PALM2AKAP2: variants seen among roughly 807,000 people sequenced by gnomAD.
PALM2AKAP2 encodes the protein PALM2 and AKAP2 fusion.
In PALM2AKAP2, 37 loss-of-function variants were observed where a neutral mutation model predicts 71.5. The ratio of observed to expected loss-of-function variants is 0.52; its 90% confidence interval spans 0.40 to 0.68. The LOEUF (loss-of-function observed/expected upper bound fraction) is 0.68, where lower values mean the gene tolerates loss of function less well. PALM2AKAP2 is among the 30% of genes least tolerant of loss of function. PALM2AKAP2 has a pLI of 0.00. For synonymous variants in PALM2AKAP2, 468 were observed against 478.8 expected, an observed-to-expected ratio of 0.98 and a Z score of 0.29; for missense variants, 1,224 against 1,191.8, an observed-to-expected ratio of 1.03 and a Z score of -0.40.
chr9:110,007,540 C>T (rs910329527), intron 6 of PALM2AKAP2, among the ~76,000 whole-genome samples: 1 of 152,172 alleles, frequency 6.6e-6, no homozygotes, highest in Non-Finnish European at 1.5e-5. Context: ...TAAGCTGGAA[C>T]TTTTGGGTTT....
chr9:109,656,242 G>A (rs1827305371), intron 1 of PALM2AKAP2, among the ~76,000 whole-genome samples: 2 of 152,328 alleles, frequency 1.3e-5, no homozygotes, highest in South Asian at 2.1e-4. Context: ...CATGGTGGTG[G>A]AAGGGGCTCG....
intron 1 of PALM2AKAP2, among the ~76,000 whole-genome samples, chr9:109,845,881 T>A (rs1406101381): frequency 6.6e-6 from 1 of 152,152 alleles, no homozygotes; most frequent in Admixed American, 6.5e-5. Flanking sequence ...GTGTCTACCA[T>A]GCACCAGATG....
chr9:109,818,506 G>A (rs1000855043), intron 1 of PALM2AKAP2, among the ~76,000 whole-genome samples: 1 of 152,006 alleles, frequency 6.6e-6, no homozygotes, highest in Admixed American at 6.6e-5. Flanking sequence ...GCTAAACATT[G>A]GTTTTATGAT....
intron 6 of PALM2AKAP2, among the ~76,000 whole-genome samples, chr9:110,013,225 C>G (rs1336525118): frequency 1.3e-5 from 2 of 152,220 alleles, no homozygotes; most frequent in African/African-American, 4.8e-5. Context: ...CAAACCTTTG[C>G]TTGCATTATG....
intron 6 of PALM2AKAP2, among the ~76,000 whole-genome samples, chr9:109,975,192 C>A (rs1027037324): frequency 6.6e-6 from 1 of 152,098 alleles, no homozygotes; most frequent in Admixed American, 6.5e-5. Flanking sequence ...GGTTGAGAAG[C>A]CCCACGATCT....
At chr9:109,899,228 C>T (rs1200737774) in intron 3 of PALM2AKAP2, among the ~76,000 whole-genome samples, 15 of 152,070 alleles carry the variant, frequency 9.9e-5, no homozygotes, top group Non-Finnish European at 7.3e-5. Flanking sequence ...TTCATTGATT[C>T]TTAATCTCAT....
chr9:109,929,960 G>T (rs1308974222), intron 5 of PALM2AKAP2, among the ~76,000 whole-genome samples: 5 of 150,570 alleles, frequency 3.3e-5, no homozygotes, highest in African/African-American at 1.2e-4. Flanking sequence ...TTCACTCACA[G>T]CCCCTGACTC....
At chr9:109,820,148 T>A (rs1827959315) in intron 1 of PALM2AKAP2, among the ~76,000 whole-genome samples, 1 of 152,192 alleles carries the variant, frequency 6.6e-6, no homozygotes, top group African/African-American at 2.4e-5. Flanking sequence ...CAAAATTGGA[T>A]TCATATATTA....
chr9:109,962,764 T>G (rs1337938151), intron 6 of PALM2AKAP2, among the ~76,000 whole-genome samples: 2 of 152,004 alleles, frequency 1.3e-5, no homozygotes, highest in Non-Finnish European at 2.9e-5. Context: ...TGCCTCAGCC[T>G]CCTGAGTAGT....
At chr9:109,983,532 C>T (rs554211089) in intron 6 of PALM2AKAP2, among the ~76,000 whole-genome samples, 1 of 152,146 alleles carries the variant, frequency 6.6e-6, no homozygotes, top group South Asian at 2.1e-4. Flanking sequence ...TTTAGGGTGG[C>T]TTGCAGAAAT....
chr9:110,159,173 C>T (rs1277412975), intron 3 of PALM2AKAP2, among the ~76,000 whole-genome samples: 1 of 152,150 alleles, frequency 6.6e-6, no homozygotes, highest in East Asian at 1.9e-4. Context: ...ACTGGCTTAC[C>T]TATCCGTAGA....
At chr9:109,706,782 G>A (rs573115838) in intron 1 of PALM2AKAP2, among the ~76,000 whole-genome samples, 6 of 152,260 alleles carry the variant, frequency 3.9e-5, no homozygotes, top group African/African-American at 1.2e-4. Flanking sequence ...TAACAAACAC[G>A]CTAAATGAAA....
intron 6 of PALM2AKAP2, among the ~76,000 whole-genome samples, chr9:109,934,482 C>G (rs1202639560): frequency 6.6e-6 from 1 of 152,184 alleles, no homozygotes; most frequent in East Asian, 1.9e-4. Flanking sequence ...CCCAGTCTCT[C>G]CAGCTGGTAT....
At chr9:109,880,228 T>TATTTTACCCAACTAAACTAAAAATG (rs1274680110) in intron 2 of PALM2AKAP2, among the ~76,000 whole-genome samples, 1 of 152,238 alleles carries the variant, frequency 6.6e-6, no homozygotes, top group African/African-American at 2.4e-5. Flanking sequence ...ATATGGTTGT[T>TATTTTACCCAACTAAACTAAAAATG]ATTTAGTTTA....
At chr9:109,743,070 G>A (rs56724236) in intron 1 of PALM2AKAP2, among the ~76,000 whole-genome samples, 39,788 of 151,878 alleles carry the variant, frequency 0.26, 5,428 homozygotes, top group East Asian at 0.37. Context: ...ATTTTTCAAG[G>A]AGCTGATTCC....
intron 4 of PALM2AKAP2, 51 bp from the exon 5 acceptor site, chr9:109,925,010 A>G: frequency 1.2e-6 from 2 of 1,613,404 alleles, no homozygotes; most frequent in Non-Finnish European, 1.7e-6. Flanking sequence ...AAAAGATGGG[A>G]TTGTACCCCC....
intron 3 of PALM2AKAP2, among the ~76,000 whole-genome samples, chr9:109,909,292 T>C (rs925407266): frequency 1.3e-5 from 2 of 152,222 alleles, no homozygotes; most frequent in African/African-American, 4.8e-5. Flanking sequence ...TAAGACCAGT[T>C]TCTTTTTAAT....
chr9:109,645,685 A>G (rs1366854223), intron 1 of PALM2AKAP2, among the ~76,000 whole-genome samples: 1 of 152,204 alleles, frequency 6.6e-6, no homozygotes, highest in African/African-American at 2.4e-5. Flanking sequence ...CTCATTTATA[A>G]GTGAGAGCTA....
intron 1 of PALM2AKAP2, among the ~76,000 whole-genome samples, chr9:109,858,083 A>T (rs530710468): frequency 6.6e-6 from 1 of 152,220 alleles, no homozygotes; most frequent in Non-Finnish European, 1.5e-5. Context: ...TGTTAGTTCC[A>T]TCTTTGCTGT....
Sources: allele counts gnomAD v4.1 joint callset (sites outside exome capture counted in the v4.1 genomes callset), GRCh38; gene constraint gnomAD v4.1.1; transcripts MANE v1.5; gene names NCBI Gene and HGNC (gene_info 2026-07-23, HGNC 2026-07-21).